The following ACTR3C variants were observed in gnomAD, a reference collection of about 807,000 sequenced individuals.
ACTR3C encodes actin-related protein 3C.
A neutral mutation model predicts 26.3 loss-of-function variants in ACTR3C; 18 were observed. That is an observed-to-expected ratio of 0.68 (90% confidence interval 0.47 to 1.01). ACTR3C has a LOEUF of 1.01. Among genes scored for constraint, ACTR3C ranks in the 50% least tolerant of loss-of-function variants. The pLI is 0.00. For synonymous variants in ACTR3C, 55 were observed against 94.5 expected (o/e 0.58, Z 2.42); for missense variants, 184 against 250.7 (o/e 0.73, Z 1.80).
At chr7:150,100,932 T>G in the ACTR3C span, among the ~76,000 whole-genome samples, 2 of 151,624 alleles carry the variant, frequency 1.3e-5, no homozygotes, top group African/African-American at 4.9e-5. Flanking sequence ...CTCAAACTCT[T>G]GAGCTCAGGC....
At chr7:150,014,808 T>A in the ACTR3C span, among the ~76,000 whole-genome samples, 2 of 152,250 alleles carry the variant, frequency 1.3e-5, no homozygotes, top group South Asian at 4.2e-4. Context: ...CCTGAAATGA[T>A]TGTGTTGTTG....
chr7:150,205,099 G>A, the ACTR3C span, among the ~76,000 whole-genome samples: 7 of 152,042 alleles, frequency 4.6e-5, no homozygotes, highest in South Asian at 2.1e-4. Context: ...TTTGTGATGC[G>A]AAAGAGCCAG....
At chr7:150,069,775 A>C in the ACTR3C span, among the ~76,000 whole-genome samples, 1 of 151,624 alleles carries the variant, frequency 6.6e-6, no homozygotes, top group Non-Finnish European at 1.5e-5. Flanking sequence ...GCTCAGAGAC[A>C]TGCAGACACT....
the ACTR3C span, among the ~76,000 whole-genome samples, chr7:150,045,297 T>G: frequency 1.3e-5 from 2 of 152,248 alleles, no homozygotes; most frequent in East Asian, 3.8e-4. Flanking sequence ...TTTAGTAAAT[T>G]TGGGGGCATA....
chr7:149,978,605 A>G, the ACTR3C span, among the ~76,000 whole-genome samples: 2 of 152,210 alleles, frequency 1.3e-5, no homozygotes, highest in African/African-American at 2.4e-5. Flanking sequence ...TGAATGAAGA[A>G]GAAATATACA....
chr7:150,081,573 T>C, the ACTR3C span, among the ~76,000 whole-genome samples: 1 of 151,530 alleles, frequency 6.6e-6, no homozygotes, highest in African/African-American at 2.4e-5. Context: ...TCTTCACAAG[T>C]TATTAATATT....
chr7:150,071,216 C>A, the ACTR3C span, among the ~76,000 whole-genome samples: 1 of 151,826 alleles, frequency 6.6e-6, no homozygotes, highest in Non-Finnish European at 1.5e-5. Context: ...CTCCGCCTCC[C>A]GGGTTCATGC....
At chr7:150,169,574 G>C in the ACTR3C span, among the ~76,000 whole-genome samples, 1 of 150,336 alleles carries the variant, frequency 6.7e-6, no homozygotes, top group East Asian at 1.9e-4. Flanking sequence ...AATGAATGCT[G>C]TTGAAGCCAC....
At chr7:150,020,295 G>C in the ACTR3C span, among the ~76,000 whole-genome samples, 1 of 152,070 alleles carries the variant, frequency 6.6e-6, no homozygotes, top group African/African-American at 2.4e-5. Flanking sequence ...AAATCTACAT[G>C]GTAAACTTTA....
chr7:149,892,368 A>G, the ACTR3C span: 33 of 1,585,526 alleles, frequency 2.1e-5, 1 homozygote, highest in Middle Eastern at 1.7e-4. Flanking sequence ...GGCTTGGTCA[A>G]CTACCTTTGC....
the ACTR3C span, among the ~76,000 whole-genome samples, chr7:150,036,913 C>T: frequency 8.9e-6 from 1 of 112,680 alleles, no homozygotes; most frequent in South Asian, 2.6e-4. Flanking sequence ...GGGAGTGCCT[C>T]CCCCCTCTGC....
chr7:150,050,662 G>A, the ACTR3C span, among the ~76,000 whole-genome samples: 1 of 152,064 alleles, frequency 6.6e-6, no homozygotes, highest in African/African-American at 2.4e-5. Flanking sequence ...GAAAGGAGCC[G>A]GAATGCTGGG....
chr7:150,271,429 T>C (rs1584887489), intron 6 of ACTR3C, among the ~76,000 whole-genome samples: 1 of 151,564 alleles, frequency 6.6e-6, no homozygotes, highest in African/African-American at 2.4e-5. Context: ...AGTGAGAACC[T>C]GCAGTGTTTG....
At chr7:149,997,464 G>A in the ACTR3C span, among the ~76,000 whole-genome samples, 2 of 151,718 alleles carry the variant, frequency 1.3e-5, no homozygotes, top group African/African-American at 4.8e-5. Flanking sequence ...GTTTTTTGTT[G>A]CTCACTGCTG....
At chr7:150,282,315 C>T (rs1341304277) in intron 6 of ACTR3C, among the ~76,000 whole-genome samples, 1 of 151,942 alleles carries the variant, frequency 6.6e-6, no homozygotes, top group Non-Finnish European at 1.5e-5. Flanking sequence ...ACGTGAACCA[C>T]GTGCAAAGAA....
chr7:149,967,851 G>A, the ACTR3C span, among the ~76,000 whole-genome samples: 11 of 152,192 alleles, frequency 7.2e-5, no homozygotes, highest in Middle Eastern at 3.4e-3. Flanking sequence ...TGGCATGTGC[G>A]TAGAAAGAAC....
chr7:150,182,946 T>C, the ACTR3C span, among the ~76,000 whole-genome samples: 1 of 150,996 alleles, frequency 6.6e-6, no homozygotes, highest in Non-Finnish European at 1.5e-5. Flanking sequence ...ATTCAAGAAC[T>C]CCATCTTCTA....
At chr7:149,929,800 G>A in the ACTR3C span, among the ~76,000 whole-genome samples, 2 of 152,170 alleles carry the variant, frequency 1.3e-5, no homozygotes, top group South Asian at 2.1e-4. Context: ...CAAAGTGCTG[G>A]GATTACAGGC....
At chr7:149,939,282 A>T in the ACTR3C span, among the ~76,000 whole-genome samples, 14 of 152,196 alleles carry the variant, frequency 9.2e-5, no homozygotes, top group African/African-American at 3.4e-4. Flanking sequence ...ACCCGGCCCA[A>T]ATAAGTACAA....
Sources: gnomAD v4.1 joint callset for allele counts (sites outside exome capture counted in the v4.1 genomes callset) on GRCh38, gnomAD v4.1.1 for gene constraint, MANE v1.5 for transcripts, NCBI Gene and HGNC (gene_info 2026-07-23, HGNC 2026-07-21) for gene names.